The following KLF4 variants were observed in gnomAD, a reference collection of about 807,000 sequenced individuals.
KLF4 encodes the protein KLF transcription factor 4, also known as Krueppel-like factor 4.
In KLF4, 14 loss-of-function variants were observed where a neutral mutation model predicts 38.0. The ratio of observed to expected loss-of-function variants is 0.37; its 90% CI spans 0.24 to 0.58. KLF4 has a LOEUF of 0.58. Among genes scored for constraint, KLF4 ranks in the 20% least tolerant of loss-of-function variants. KLF4 has a pLI of 0.76. For synonymous variants in KLF4, 398 were observed against 302.5 expected (o/e 1.32, Z -3.28); for missense variants, 737 against 670.1 (o/e 1.10, Z -1.10).
rs1178477555 is a variant in KLF4, at chr9:107,485,050, G to C, written c.*701C>G. The C allele has an allele frequency of 4.9e-6, 1 of 202,590 alleles. No individual in the cohort carries two copies. Among genetic ancestry groups the C allele is most frequent in the African/African-American group, 2.3e-5 (1 of 43,634 alleles). 12.5% of individuals were successfully genotyped at this position (202,590 alleles called of 1,614,324 possible). A position where few individuals can be genotyped will look rare whatever the true frequency, so the allele number is the denominator to read the frequency against. ...TTTGTTCTGCTTAAGGCATACTTGG[G>C]AATAAACCATTGTACAAATTATTGC... On this transcript the variant is annotated 3_prime_UTR_variant, in exon 5 of 5. Coordinates refer to ENST00000374672, the MANE Select transcript of KLF4 (RefSeq NM_004235.6). The surrounding 1 kb of genome is among the most constrained non-coding windows in gnomAD (Gnocchi z 4.9).
At position 107,487,543 on chromosome 9, in the gene KLF4, G is replaced by T; in HGVS notation, c.851C>A (p.Ser284Ter). 6.4e-7 allele frequency: 1 copy of T among 1,565,824 alleles called. No homozygotes were observed. Among genetic ancestry groups the T allele is most frequent in the East Asian group, 2.3e-5 (1 of 44,308 alleles). The change falls in exon 3 of 5, where the codon TCG (serine) becomes TAG (stop). Residue 284 changes from serine (S) to a stop codon, truncating the protein, a stop_gained. Coordinates refer to ENST00000374672, the MANE Select transcript of KLF4 (RefSeq NM_004235.6). LOFTEE classifies it high-confidence loss of function. This position sits in a 1 kb window ranked among gnomAD's most constrained non-coding sequence, Gnocchi z 6.1. ...GGGTCCAGCGCCCAAGTGGGTGCAC[G>T]AAGAGACCGCCTCCTGCTTGATCTT... Reference protein sequence around the residue: ...CPKIKQEAVSSCTHLGAGPPL... With the variant: ...CPKIKQEAVS
In KLF4 at chr9:107,487,144, C is replaced by T. The variant is rs2133187625; in HGVS notation, c.1148G>A (p.Arg383Lys). The change falls in exon 4 of 5, where the codon AGG becomes AAG. Residue 383 changes from arginine (R) to lysine (K), a missense_variant. By Grantham distance (26) the Arg-to-Lys change is conservative. Coordinates refer to ENST00000374672, the MANE Select transcript of KLF4 (RefSeq NM_004235.6). This position sits in a 1 kb window ranked among gnomAD's most constrained non-coding sequence, Gnocchi z 6.1. ...SCMPEEPKPKRGRRSWPRKRT... is the reference protein window; with the variant it reads ...SCMPEEPKPKKGRRSWPRKRT... ...TTTCCGGGGCCACGATCGTCTTCCC[C>T]TCTTTGGCTTGGGCTCCTCTGGCAT... 2 of 1,614,200 alleles carry T rather than the reference C, an allele frequency of 1.2e-6. No homozygotes were observed. The highest frequency in any genetic ancestry group is 1.7e-6 in the Non-Finnish European group (2 of 1,180,028).
intron 1 of KLF4, 22 bp downstream of exon 1, chr9:107,489,146 C>T: frequency 1.3e-6 from 2 of 1,533,532 alleles, no homozygotes; most frequent in Non-Finnish European, 1.8e-6. Context: ...TCCCTGCTCC[C>T]AGCGCCGCGC....
Position 107,489,242 on chromosome 9 carries a change from A to G in KLF4, c.-70T>C, listed in dbSNP as rs1829147933. On this transcript the variant is annotated 5_prime_UTR_variant, in exon 1 of 5. Transcript: ENST00000374672. The stretch of plus-strand genomic sequence containing the variant: ...GGCACCTGAACCCCAAAGTCAACGA[A>G]GAGAAGAAACGAAGCCAAAACCCAA... The G allele has an allele frequency of 3.5e-6, 5 of 1,433,852 alleles. No individual in the cohort carries two copies. Among genetic ancestry groups the G allele is most frequent in the Non-Finnish European group, 4.6e-6 (5 of 1,090,808 alleles). 88.8% of individuals were successfully genotyped at this position (1,433,852 alleles called of 1,614,324 possible).
rs920954843 is a variant in KLF4, at chr9:107,487,741, G to GGCTGCT, written c.647_652dup (p.Gln216_Gln217dup). The stretch of plus-strand genomic sequence containing the variant: ...CATCAGCCCGCCACCTGGCGGCTGC[G>GGCTGCT]GCTGCTGCGGCGGAATGTACACCGG... On this transcript the variant is annotated inframe_insertion, in exon 3 of 5. Coordinates refer to ENST00000374672, the MANE Select transcript of KLF4 (RefSeq NM_004235.6). This position sits in a 1 kb window ranked among gnomAD's most constrained non-coding sequence, Gnocchi z 6.1. The GGCTGCT allele has an allele frequency of 3.2e-6, 5 of 1,579,840 alleles. No homozygotes were observed. The highest frequency in any genetic ancestry group is 3.4e-6 in the Non-Finnish European group (4 of 1,163,574).
At position 107,488,051 on chromosome 9, in the gene KLF4, G is replaced by A. The variant is rs1829114675; in HGVS notation, c.343C>T (p.His115Tyr). ...LDFILSNSLTHPPESVAATVS... is the reference protein window; with the variant it reads ...LDFILSNSLTYPPESVAATVS... Reference sequence around the variant, plus strand: ...GTGGCGGCCACTGACTCCGGAGGATGGGTCAGCGAATTGGAGAGAATAAAG... The same window carrying A: ...GTGGCGGCCACTGACTCCGGAGGATAGGTCAGCGAATTGGAGAGAATAAAG... Residue 115 changes from histidine to tyrosine, a missense_variant, in exon 3 of 5, where the codon CAT (histidine) becomes TAT (tyrosine). Physicochemically the swap from His to Tyr is moderately conservative, Grantham distance 83. Coordinates refer to ENST00000374672, the MANE Select transcript of KLF4 (RefSeq NM_004235.6). The surrounding 1 kb of genome is among the most constrained non-coding windows in gnomAD (Gnocchi z 5.7). 2 of 1,612,448 alleles carry A rather than the reference G, an allele frequency of 1.2e-6. No individual in the cohort carries two copies. The highest frequency in any genetic ancestry group is 8.5e-7 in the Non-Finnish European group (1 of 1,179,632).
Position 107,489,013 on chromosome 9 carries a change from C to A in KLF4, c.43G>T (p.Ala15Ser), listed in dbSNP as rs184913896. The change falls in exon 2 of 5, where the codon GCG becomes TCG. Residue 15 changes from alanine (A) to serine (S), a missense_variant. By Grantham distance (99) the Ala-to-Ser change is moderately conservative (BLOSUM62 1). This residue lies in a region of KLF4 where 695 missense variants were observed against 554.5 expected (regional missense o/e 1.25). Transcript: ENST00000374672. ...PGESDMAVSD[A>S]LLPSFSTFAS... ...AACGTGGAGAAAGATGGGAGCAGCG[C>A]GTCGCTGACAGCCATGTCAGACTCG... 1.2e-4 allele frequency: 182 copies of A among 1,563,492 alleles called. No homozygotes were observed. Among genetic ancestry groups the A allele is most frequent in the Admixed American group, 5.7e-4 (30 of 52,778 alleles).
In KLF4 at chr9:107,487,809, G is replaced by C; in HGVS notation, c.585C>G (p.Pro195=). 1 of 1,534,396 alleles carries C rather than the reference G, an allele frequency of 6.5e-7. No homozygotes were observed. Among genetic ancestry groups the C allele is most frequent in the South Asian group, 1.2e-5 (1 of 82,250 alleles). Residue 195 remains proline, a synonymous_variant, in exon 3 of 5, where the codon CCC becomes CCG. Transcript: ENST00000374672. This position sits in a 1 kb window ranked among gnomAD's most constrained non-coding sequence, Gnocchi z 6.1. ...GGAGCTCGGCCACGAAGCCGCCCGA[G>C]GGGCTCACGTCGTTGATGTCCGCCA... ...FNLADINDVS[P]SGGFVAELLR...
chr9:107,487,920 G>A lies in KLF4; in HGVS notation c.474C>T (p.Asn158=). ...CSFTYPIRAG[N]DPGVAPGGTG... ...TGCCGCCCGGCGCCACGCCCGGGTC[G>A]TTCCCGGCCCGGATCGGATAGGTGA... The change falls in exon 3 of 5, where the codon AAC becomes AAT. Residue 158 remains asparagine, a synonymous_variant. Coordinates refer to ENST00000374672, the MANE Select transcript of KLF4 (RefSeq NM_004235.6). The surrounding 1 kb of genome is among the most constrained non-coding windows in gnomAD (Gnocchi z 6.1). 1 of 1,574,432 alleles carries A rather than the reference G, an allele frequency of 6.4e-7. No individual in the cohort carries two copies. Among genetic ancestry groups the A allele is most frequent in the Non-Finnish European group, 8.6e-7 (1 of 1,160,324 alleles).
chr9:107,487,848 C>G lies in KLF4; in HGVS notation c.546G>C (p.Thr182=). The change falls in exon 3 of 5, where the codon ACG becomes ACC. Residue 182 remains threonine (T), a synonymous_variant. Coordinates refer to ENST00000374672, the MANE Select transcript of KLF4 (RefSeq NM_004235.6). The surrounding 1 kb of genome is among the most constrained non-coding windows in gnomAD (Gnocchi z 6.1). ...TGATGTCCGCCAGGTTGAAGGGAGC[C>G]GTCGGAGGGGGAGCGGACTCCCTGC... is the stretch of plus-strand genomic sequence containing the variant. The part of the protein sequence containing the change: ...LYGRESAPPP[T]APFNLADIND... The G allele has an allele frequency of 1.3e-6, 2 of 1,526,724 alleles. No homozygotes were observed. The highest frequency in any genetic ancestry group is 1.8e-6 in the Non-Finnish European group (2 of 1,135,718). The allele number at this position is 1,526,724 out of a possible 1,614,324, so 94.6% of individuals were successfully genotyped here.
At position 107,488,244 on chromosome 9, in the gene KLF4, G is replaced by A. The variant is rs571923372; in HGVS notation, c.150C>T (p.His50=). 6.2e-5 allele frequency: 99 copies of A among 1,608,474 alleles called. No homozygotes were observed. Among genetic ancestry groups the A allele is most frequent in the Non-Finnish European group, 8.1e-5 (96 of 1,178,384 alleles). The change falls in exon 3 of 5, where the codon CAC becomes CAT. Residue 50 remains histidine, a synonymous_variant. Coordinates refer to ENST00000374672, the MANE Select transcript of KLF4 (RefSeq NM_004235.6). This position sits in a 1 kb window ranked among gnomAD's most constrained non-coding sequence, Gnocchi z 5.7. ...PNNRWREELS[H]MKRLPPVLPG... is the part of the protein sequence containing the mutation. ...GAAGCACTGGGGGAAGTCGCTTCAT[G>A]TGGGAGAGCTCCTCCCGCCAGCGCT... is the stretch of plus-strand genomic sequence containing the variant.
At position 107,489,674 on chromosome 9, in the gene KLF4, G is replaced by T; in HGVS notation, c.-502C>A. 5.1e-6 allele frequency: 1 copy of T among 197,966 alleles called. No individual in the cohort carries two copies. The highest frequency in any genetic ancestry group is 2.3e-5 in the African/African-American group (1 of 43,272). 12.3% of individuals were successfully genotyped at this position (197,966 alleles called of 1,614,324 possible). ...TGGGGGGCCAGAGGGGCGGGGGAGGGTCACTCGGCGGCTCCCGGTGCCGCC... is the reference window on the plus strand; with the variant it reads ...TGGGGGGCCAGAGGGGCGGGGGAGGTTCACTCGGCGGCTCCCGGTGCCGCC... On this transcript the variant is annotated 5_prime_UTR_variant, in exon 1 of 5. Transcript: ENST00000374672.
At position 107,488,527 on chromosome 9, in the gene KLF4, C is replaced by T. The variant is rs932076030; in HGVS notation, c.127-260G>A. ...AGCGAGCGCCGCGGCTGGTCCCTCCCCCTCCAGGTCCCGTGGACGTCCCCG... is the reference window on the plus strand; with the variant it reads ...AGCGAGCGCCGCGGCTGGTCCCTCCTCCTCCAGGTCCCGTGGACGTCCCCG... On this transcript the variant is annotated intron_variant, in intron 2 of 4. Transcript: ENST00000374672. This position sits in a 1 kb window ranked among gnomAD's most constrained non-coding sequence, Gnocchi z 5.7. The T allele has an allele frequency of 1.8e-6, 1 of 559,406 alleles. No homozygotes were observed. Among genetic ancestry groups the T allele is most frequent in the Non-Finnish European group, 3.0e-6 (1 of 331,474 alleles). 34.7% of individuals were successfully genotyped at this position (559,406 alleles called of 1,614,324 possible).
rs1337270879 is a variant in KLF4 at position 107,487,520 on chromosome 9, G to T, written c.874C>A (p.Pro292Thr). The T allele has an allele frequency of 1.3e-6, 2 of 1,550,022 alleles. No homozygotes were observed. Among genetic ancestry groups the T allele is most frequent in the Admixed American group, 3.9e-5 (2 of 51,484 alleles). ...VSSCTHLGAG[P>T]PLSNGHRPAA... ...GGCCGGTGGCCATTGCTGAGAGGGG[G>T]TCCAGCGCCCAAGTGGGTGCACGAA... The change falls in exon 3 of 5, where the codon CCC (proline) becomes ACC (threonine). Residue 292 changes from proline to threonine, a missense_variant. Transcript: ENST00000374672. The surrounding 1 kb of genome is among the most constrained non-coding windows in gnomAD (Gnocchi z 6.1).
In KLF4 at chr9:107,489,649, T is replaced by TG. The variant is rs1245449200; in HGVS notation, c.-478dup. On this transcript the variant is annotated 5_prime_UTR_variant, in exon 1 of 5. Transcript: ENST00000374672. ...CGCGGGCCACGGGCGGGTGGGAGGG[T>TG]GGGGGGCCAGAGGGGCGGGGGAGGG... is the stretch of plus-strand genomic sequence containing the variant. 1.4e-4 allele frequency: 5 copies of TG among 35,158 alleles called. No homozygotes were observed. The highest frequency in any genetic ancestry group is 3.3e-4 in the East Asian group (2 of 5,992). 2.2% of individuals were successfully genotyped at this position (35,158 alleles called of 1,614,324 possible). A position where few individuals can be genotyped will look rare whatever the true frequency, so the allele number is the denominator to read the frequency against.
chr9:107,486,104 C>T (rs766500828), intron 4 of KLF4, among the ~76,000 whole-genome samples, 178 bp from the exon 5 acceptor site: 9 of 152,116 alleles, frequency 5.9e-5, no homozygotes, highest in Non-Finnish European at 1.3e-4. Context: ...AAATACATTC[C>T]GTGCTTAAGT....
rs747410599 is a variant in KLF4, at chr9:107,487,647, G to T, written c.747C>A (p.Ser249Arg). ...TGCCGTCAGGGCTGCCTTTGCTGAC[G>T]CTGATGACCGACGGGCTGCCGTACT... ...GSEYGSPSVI[S>R]VSKGSPDGSH... Residue 249 changes from serine to arginine, a missense_variant, in exon 3 of 5, where the codon AGC becomes AGA. This residue lies in a region of KLF4 where 695 missense variants were observed against 554.5 expected (regional missense o/e 1.25). Coordinates refer to ENST00000374672, the MANE Select transcript of KLF4 (RefSeq NM_004235.6). The surrounding 1 kb of genome is among the most constrained non-coding windows in gnomAD (Gnocchi z 6.1). The T allele has an allele frequency of 3.8e-6, 6 of 1,590,670 alleles. No homozygotes were observed. Among genetic ancestry groups the T allele is most frequent in the Admixed American group, 1.7e-5 (1 of 59,124 alleles).
At position 107,489,414 on chromosome 9, in the gene KLF4, T is replaced by G; in HGVS notation, c.-242A>C. On this transcript the variant is annotated 5_prime_UTR_variant, in exon 1 of 5. Transcript: ENST00000374672. ...CAGCAAGGCGAGTAAGTAGGTCCGGTGGCCGGGCTGCGCTCTCTTCCACTC... is the reference window on the plus strand; with the variant it reads ...CAGCAAGGCGAGTAAGTAGGTCCGGGGGCCGGGCTGCGCTCTCTTCCACTC... 1 of 446,170 alleles carries G rather than the reference T, an allele frequency of 2.2e-6. No homozygotes were observed. The highest frequency in any genetic ancestry group is 3.9e-6 in the Non-Finnish European group (1 of 259,056). The allele number at this position is 446,170 out of a possible 1,614,324, so 27.6% of individuals were successfully genotyped here. A position where few individuals can be genotyped will look rare whatever the true frequency, so the allele number is the denominator to read the frequency against.
Position 107,488,574 on chromosome 9 carries a change from CT to C in KLF4, c.127-308del. 2 of 496,202 alleles carry C rather than the reference CT, an allele frequency of 4.0e-6. No individual in the cohort carries two copies. The highest frequency in any genetic ancestry group is 7.6e-5 in the Admixed American group (2 of 26,226). The allele number at this position is 496,202 out of a possible 1,614,324, so 30.7% of individuals were successfully genotyped here. On this transcript the variant is annotated intron_variant, in intron 2 of 4. Transcript: ENST00000374672. The surrounding 1 kb of genome is among the most constrained non-coding windows in gnomAD (Gnocchi z 5.7). ...CCCGGAATTGGCACACCGAGGCTCT[CT>C]CGGTGCGCTCTCGCCACGGGGCCGC...
Sources: gnomAD v4.1 joint callset for allele counts (sites outside exome capture counted in the v4.1 genomes callset) on GRCh38, gnomAD v4.1.1 for gene constraint, gnomAD v4.1.1 regional missense constraint, Gnocchi (gnomAD v3.1) non-coding constraint, MANE v1.5 for transcripts, NCBI Gene and HGNC (gene_info 2026-07-23, HGNC 2026-07-21) for gene names.